Variants in HPCA observed in about 807,000 individuals in gnomAD.
The protein encoded by HPCA is hippocalcin, also known as neuron-specific calcium-binding protein hippocalcin.
In HPCA, 4 loss-of-function variants were observed where a neutral mutation model predicts 18.2. The observed-to-expected ratio is 0.22, with a 90% CI of 0.11 to 0.50. HPCA has a LOEUF of 0.50. Among genes scored for constraint, HPCA ranks in the 20% least tolerant of loss-of-function variants. HPCA has a pLI of 0.97. For missense variants in HPCA, 161 were observed against 265.8 expected (o/e 0.61, Z 2.74); for synonymous variants, 93 against 103.5 (o/e 0.90, Z 0.61).
At chr1:32,887,990 G>A (rs561345338) in intron 1 of HPCA, among the ~76,000 whole-genome samples, 2 of 151,118 alleles carry the variant, frequency 1.3e-5, no homozygotes, top group East Asian at 3.9e-4. Flanking sequence ...GAAGCATACA[G>A]TTATCGGTAT....
Position 32,889,110 on chromosome 1 carries a change from C to T in HPCA, c.212C>T (p.Thr71Ile), listed in dbSNP as rs775863165. 6.2e-7 allele frequency: 1 copy of T among 1,614,264 alleles called. No individual in the cohort carries two copies. The highest frequency in any genetic ancestry group is 1.1e-5 in the South Asian group (1 of 91,090). ...ASKFAEHVFR[T>I]FDTNSDGTID... ...AAGTTTGCCGAGCACGTCTTCCGCACCTTTGACACCAACAGCGATGGCACC... is the reference window on the plus strand; with the variant it reads ...AAGTTTGCCGAGCACGTCTTCCGCATCTTTGACACCAACAGCGATGGCACC... Residue 71 changes from threonine (T) to isoleucine (I), a missense_variant, in exon 2 of 4, where the codon ACC becomes ATC. Coordinates refer to ENST00000373467, the MANE Select transcript of HPCA (RefSeq NM_002143.3). This position sits in a 1 kb window ranked among gnomAD's most constrained non-coding sequence, Gnocchi z 4.6.
chr1:32,889,093 C>T lies in HPCA; in HGVS notation c.195C>T (p.Ala65=), dbSNP rs190500642. 143 of 1,614,232 alleles carry T rather than the reference C, an allele frequency of 8.9e-5. No homozygotes were observed. The highest frequency in any genetic ancestry group is 8.1e-4 in the African/African-American group (61 of 75,056). The change falls in exon 2 of 4, where the codon GCC becomes GCT. Residue 65 remains alanine, a synonymous_variant. Transcript: ENST00000373467. The surrounding 1 kb of genome is among the most constrained non-coding windows in gnomAD (Gnocchi z 4.6). ...FFPYGDASKF[A]EHVFRTFDTN... ...CCTATGGTGACGCCTCCAAGTTTGCCGAGCACGTCTTCCGCACCTTTGACA... is the reference window on the plus strand; with the variant it reads ...CCTATGGTGACGCCTCCAAGTTTGCTGAGCACGTCTTCCGCACCTTTGACA...
At chr1:32,892,020 G>C (rs1448402753) in intron 2 of HPCA, among the ~76,000 whole-genome samples, 1 of 152,194 alleles carries the variant, frequency 6.6e-6, no homozygotes, top group South Asian at 2.1e-4. Context: ...GTGAGGTTTA[G>C]AAATAGTGCA....
At chr1:32,887,853 T>C (rs1342707309) in intron 1 of HPCA, among the ~76,000 whole-genome samples, 1 of 151,722 alleles carries the variant, frequency 6.6e-6, no homozygotes, top group Non-Finnish European at 1.5e-5. Flanking sequence ...CGTGGTGCCA[T>C]GTGTCGATTC....
rs1641500465 is a variant in HPCA, at chr1:32,893,419, C to T, written c.379-105C>T. The T allele has an allele frequency of 6.5e-6, 5 of 765,720 alleles. No homozygotes were observed. Among genetic ancestry groups the T allele is most frequent in the South Asian group, 3.2e-5 (2 of 61,666 alleles). The allele number at this position is 765,720 out of a possible 1,614,324, so 47.4% of individuals were successfully genotyped here. A position where few individuals can be genotyped will look rare whatever the true frequency, so the allele number is the denominator to read the frequency against. ...CCGTGATTCCCCACTCCACCTTGCC[C>T]AGGCGGGGGCAGCAAACGTCAGAGA... On this transcript the variant is annotated intron_variant, in intron 2 of 3. Transcript: ENST00000373467. The surrounding 1 kb of genome is among the most constrained non-coding windows in gnomAD (Gnocchi z 7.5).
intron 1 of HPCA, among the ~76,000 whole-genome samples, chr1:32,887,241 G>A (rs534214994): frequency 1.3e-5 from 2 of 152,254 alleles, no homozygotes; most frequent in East Asian, 1.9e-4. Flanking sequence ...ACGCTGTGAC[G>A]GGTGCATACC....
At position 32,893,489 on chromosome 1, in the gene HPCA, C is replaced by T. The variant is rs772874379; in HGVS notation, c.379-35C>T. The stretch of plus-strand genomic sequence containing the variant: ...TCTTGCGGGTGGGGGCTCGGGCAGG[C>T]TCCTCTCACTCCCCGCCTCCCCTCC... On this transcript the variant is annotated intron_variant, in intron 2 of 3. Transcript: ENST00000373467. The surrounding 1 kb of genome is among the most constrained non-coding windows in gnomAD (Gnocchi z 7.5). 1.3e-5 allele frequency: 19 copies of T among 1,463,966 alleles called. No homozygotes were observed. The South Asian group carries it at 2.2e-4, about 17-fold the overall frequency. The allele number at this position is 1,463,966 out of a possible 1,614,324, so 90.7% of individuals were successfully genotyped here. A position where few individuals can be genotyped will look rare whatever the true frequency, so the allele number is the denominator to read the frequency against.
chr1:32,893,727 C>T lies in HPCA; in HGVS notation c.485-38C>T. On this transcript the variant is annotated intron_variant, in intron 3 of 3. Coordinates refer to ENST00000373467, the MANE Select transcript of HPCA (RefSeq NM_002143.3). The surrounding 1 kb of genome is among the most constrained non-coding windows in gnomAD (Gnocchi z 7.5). ...CGCTCCGCCTCCCCTCGCTAGGCTG[C>T]CGCCTCCTCCCCCATCACCGCTCCC... The T allele has an allele frequency of 7.5e-7, 1 of 1,335,630 alleles. No individual in the cohort carries two copies. Among genetic ancestry groups the T allele is most frequent in the Non-Finnish European group, 1.0e-6 (1 of 991,348 alleles). The allele number at this position is 1,335,630 out of a possible 1,614,324, so 82.7% of individuals were successfully genotyped here. A position where few individuals can be genotyped will look rare whatever the true frequency, so the allele number is the denominator to read the frequency against.
chr1:32,893,577 C>T lies in HPCA; in HGVS notation c.432C>T (p.Thr144=). ...TGAAGATGCCGGAGGACGAGTCGAC[C>T]CCGGAAAAGAGGACTGAGAAAATCT... ...SVMKMPEDES[T]PEKRTEKIFR... Residue 144 remains threonine (T), a synonymous_variant, in exon 3 of 4, where the codon ACC becomes ACT. Transcript: ENST00000373467. The surrounding 1 kb of genome is among the most constrained non-coding windows in gnomAD (Gnocchi z 7.5). 1.2e-6 allele frequency: 2 copies of T among 1,613,928 alleles called. No individual in the cohort carries two copies. The highest frequency in any genetic ancestry group is 8.5e-7 in the Non-Finnish European group (1 of 1,179,890).
In HPCA at chr1:32,889,388, C is replaced by T; in HGVS notation, c.378+112C>T. ...TAGGCATGTGGTGGCAGGGGATATT[C>T]TTGCAATCCCATTTTAAAAATTGTT... On this transcript the variant is annotated intron_variant, in intron 2 of 3. Coordinates refer to ENST00000373467, the MANE Select transcript of HPCA (RefSeq NM_002143.3). This position sits in a 1 kb window ranked among gnomAD's most constrained non-coding sequence, Gnocchi z 4.6. 2.6e-6 allele frequency: 3 copies of T among 1,174,572 alleles called. No individual in the cohort carries two copies. The highest frequency in any genetic ancestry group is 1.5e-5 in the African/African-American group (1 of 64,806). 72.8% of individuals were successfully genotyped at this position (1,174,572 alleles called of 1,614,324 possible).
rs1033293194 is a variant in HPCA, at chr1:32,893,224, C to G, written c.379-300C>G. 6.6e-6 allele frequency among the ~76,000 whole-genome samples: 1 copy of G among 152,092 alleles called. No individual in the cohort carries two copies. Among genetic ancestry groups the G allele is most frequent in the Non-Finnish European group, 1.5e-5 (1 of 68,012 alleles). On this transcript the variant is annotated intron_variant, in intron 2 of 3. Coordinates refer to ENST00000373467, the MANE Select transcript of HPCA (RefSeq NM_002143.3). This position sits in a 1 kb window ranked among gnomAD's most constrained non-coding sequence, Gnocchi z 7.5. Reference sequence around the variant, plus strand: ...CCCTCCACTGTCGGGCCCCGGTGTCCTCCAACATCTCTCCTGACCCCTGCG... The same window carrying G: ...CCCTCCACTGTCGGGCCCCGGTGTCGTCCAACATCTCTCCTGACCCCTGCG...
rs1641491801 is a variant in HPCA at position 32,893,136 on chromosome 1, G to C, written c.379-388G>C. 6.7e-6 allele frequency among the ~76,000 whole-genome samples: 1 copy of C among 149,802 alleles called. No individual in the cohort carries two copies. On this transcript the variant is annotated intron_variant, in intron 2 of 3. Coordinates refer to ENST00000373467, the MANE Select transcript of HPCA (RefSeq NM_002143.3). The surrounding 1 kb of genome is among the most constrained non-coding windows in gnomAD (Gnocchi z 7.5). ...CGGGCCGCCCTGGGCCCGGGTGCCA[G>C]CCCGGTACTTACCCCCGACGCGCGT...
chr1:32,891,841 G>A (rs1641457994), intron 2 of HPCA, among the ~76,000 whole-genome samples: 1 of 152,048 alleles, frequency 6.6e-6, no homozygotes. Context: ...TACAGACCGG[G>A]TCTAATGCTA....
At chr1:32,886,401 G>A (rs539958390), upstream of HPCA, 12 of 151,924 alleles carry the variant, frequency 7.9e-5, no homozygotes, top group East Asian at 2.2e-3. The surrounding 1 kb of genome is among the most constrained non-coding windows in gnomAD (Gnocchi z 7.0). Context: ...AGGGGCTCCG[G>A]GTGAGCGCTG....
rs201504071 is a variant in HPCA, at chr1:32,889,192, G to A, written c.294G>A (p.Glu98=). 14 of 1,614,270 alleles carry A rather than the reference G, an allele frequency of 8.7e-6. No individual in the cohort carries two copies. In the Middle Eastern group the frequency reaches 4.9e-4, roughly 57 times the overall value. ...ALSVTSRGRL[E]QKLMWAFSMY... ...GCGTGACCTCGCGCGGCCGCCTGGAGCAGAAGCTCATGTGGGCCTTCAGCA... is the reference window on the plus strand; with the variant it reads ...GCGTGACCTCGCGCGGCCGCCTGGAACAGAAGCTCATGTGGGCCTTCAGCA... The change falls in exon 2 of 4, where the codon GAG becomes GAA. Residue 98 remains glutamate (E), a synonymous_variant. Coordinates refer to ENST00000373467, the MANE Select transcript of HPCA (RefSeq NM_002143.3). The surrounding 1 kb of genome is among the most constrained non-coding windows in gnomAD (Gnocchi z 4.6).
rs1353360835 is a variant in HPCA at position 32,893,308 on chromosome 1, G to C, written c.379-216G>C. Among the ~76,000 whole-genome samples the C allele has an allele frequency of 6.6e-6, 1 of 152,156 alleles. No individual in the cohort carries two copies. Among genetic ancestry groups the C allele is most frequent in the East Asian group, 1.9e-4 (1 of 5,174 alleles). ...TCCTTTCCCACCCAGCCCTCCAAGG[G>C]AGCGCGGCAGGGCCCGCCCGATAGC... is the stretch of plus-strand genomic sequence containing the variant. On this transcript the variant is annotated intron_variant, in intron 2 of 3. Coordinates refer to ENST00000373467, the MANE Select transcript of HPCA (RefSeq NM_002143.3). The surrounding 1 kb of genome is among the most constrained non-coding windows in gnomAD (Gnocchi z 7.5).
chr1:32,888,866 T>G lies in HPCA; in HGVS notation c.-21-12T>G, dbSNP rs1473950112. 2 of 1,585,624 alleles carry G rather than the reference T, an allele frequency of 1.3e-6. No individual in the cohort carries two copies. Among genetic ancestry groups the G allele is most frequent in the African/African-American group, 2.7e-5 (2 of 74,522 alleles). ...TCACTCCTCTCTGCCCTTGACCCCC[T>G]TGGGGACCCAGGTGGGACTTGGCTC... On this transcript the variant is annotated splice_polypyrimidine_tract_variant and intron_variant, in intron 1 of 3. Coordinates refer to ENST00000373467, the MANE Select transcript of HPCA (RefSeq NM_002143.3).
chr1:32,888,732 G>A (rs1202093425), intron 1 of HPCA, 146 bp from the exon 2 acceptor site: 2 of 717,088 alleles, frequency 2.8e-6, no homozygotes, highest in Middle Eastern at 4.0e-4. Flanking sequence ...GGTCTAGGCT[G>A]TGTGACCTTG....
rs761116608 is a variant in HPCA, at chr1:32,889,193, C to G, written c.295C>G (p.Gln99Glu). ...LSVTSRGRLEQKLMWAFSMYD... is the reference protein window; with the variant it reads ...LSVTSRGRLEEKLMWAFSMYD... The stretch of plus-strand genomic sequence containing the variant: ...CGTGACCTCGCGCGGCCGCCTGGAG[C>G]AGAAGCTCATGTGGGCCTTCAGCAT... The change falls in exon 2 of 4, where the codon CAG becomes GAG. Residue 99 changes from glutamine to glutamate, a missense_variant. Physicochemically the swap from Gln to Glu is conservative, Grantham distance 29. Transcript: ENST00000373467. This position sits in a 1 kb window ranked among gnomAD's most constrained non-coding sequence, Gnocchi z 4.6. 1.2e-6 allele frequency: 2 copies of G among 1,614,136 alleles called. No individual in the cohort carries two copies. The highest frequency in any genetic ancestry group is 2.7e-5 in the African/African-American group (2 of 74,946).
Sources: gnomAD v4.1 joint callset for allele counts (sites outside exome capture counted in the v4.1 genomes callset) on GRCh38, gnomAD v4.1.1 for gene constraint, Gnocchi (gnomAD v3.1) non-coding constraint, MANE v1.5 for transcripts, NCBI Gene and HGNC (gene_info 2026-07-23, HGNC 2026-07-21) for gene names.